The following OSBPL5 variants were observed in gnomAD, a reference collection of about 807,000 sequenced individuals.
OSBPL5 encodes oxysterol-binding protein-related protein 5.
OSBPL5 carries 71 observed loss-of-function variants against 111.2 expected under a neutral mutation model. The observed-to-expected ratio is 0.64, with a 90% CI of 0.53 to 0.78. OSBPL5 has a LOEUF of 0.78. Ranked by LOEUF, OSBPL5 falls within the 30% of genes least tolerant of loss-of-function variation. The pLI is 0.00. For missense variants in OSBPL5, 1,210 were observed against 1,189.3 expected, an observed-to-expected ratio of 1.02 and a Z score of -0.26; for synonymous variants, 549 against 513.9, an observed-to-expected ratio of 1.07 and a Z score of -0.93.
chr11:3,097,062 A>AGG (rs1452640600), intron 14 of OSBPL5, among the ~76,000 whole-genome samples: 1 of 524 alleles, frequency 1.9e-3, no homozygotes, highest in Admixed American at 0.031. Flanking sequence ...AGGAGAGGAA[A>AGG]GGGGGAAGAT....
intron 20 of OSBPL5, 60 bp downstream of exon 20, chr11:3,090,498 G>C: frequency 6.3e-7 from 1 of 1,580,522 alleles, no homozygotes; most frequent in East Asian, 2.3e-5. Flanking sequence ...CTCCAGCCAG[G>C]TCAGCATCTG....
chr11:3,114,935 C>G (rs1858160802), intron 7 of OSBPL5, among the ~76,000 whole-genome samples: 1 of 152,076 alleles, frequency 6.6e-6, no homozygotes, highest in South Asian at 2.1e-4. Flanking sequence ...TACTCTTAAT[C>G]AATTATAAGA....
chr11:3,155,391 A>G (rs1014818661), intron 1 of OSBPL5, among the ~76,000 whole-genome samples: 7 of 152,174 alleles, frequency 4.6e-5, no homozygotes, highest in Admixed American at 4.6e-4. Context: ...ACCTGGGGTG[A>G]TCCCAAGCAC....
At chr11:3,099,427 T>C (rs1170274745) in intron 14 of OSBPL5, among the ~76,000 whole-genome samples, 3 of 152,146 alleles carry the variant, frequency 2.0e-5, no homozygotes, top group African/African-American at 7.2e-5. Flanking sequence ...ATACCAAATG[T>C]AGCACCTCAG....
chr11:3,132,706 C>G (rs1270805689), intron 1 of OSBPL5, among the ~76,000 whole-genome samples: 2 of 152,190 alleles, frequency 1.3e-5, no homozygotes, highest in Admixed American at 6.5e-5. Context: ...TGTCACTTCC[C>G]GGAGGCTTGG....
intron 1 of OSBPL5, among the ~76,000 whole-genome samples, chr11:3,138,286 C>T (rs1007062429): frequency 3.3e-5 from 5 of 152,206 alleles, no homozygotes; most frequent in African/African-American, 9.6e-5. Flanking sequence ...GCGGGCTGGG[C>T]GTGGTCCCTG....
Position 3,107,544 on chromosome 11 carries a change from T to C in OSBPL5, c.867-89A>G, listed in dbSNP as rs3741353. 634,623 of 1,451,004 alleles carry C rather than the reference T, an allele frequency of 0.44. 148,106 individuals carry two copies. Among genetic ancestry groups the C allele is most frequent in the East Asian group, 0.79 (34,582 of 43,788 alleles). 89.9% of individuals were successfully genotyped at this position (1,451,004 alleles called of 1,614,324 possible). On this transcript the variant is annotated intron_variant, in intron 8 of 21. Transcript: ENST00000263650. This position sits in a 1 kb window ranked among gnomAD's most constrained non-coding sequence, Gnocchi z 6.1. ...CTGCCCACCCCTCGCTGCTCCGCAC[T>C]TCACATACGTTCCTGCCTGTCGTCA...
At chr11:3,139,699 C>A (rs1015219205) in intron 1 of OSBPL5, among the ~76,000 whole-genome samples, 4 of 152,176 alleles carry the variant, frequency 2.6e-5, no homozygotes, top group Non-Finnish European at 5.9e-5. Context: ...CACATCCAGC[C>A]TCCCCTCCTC....
chr11:3,125,755 AG>A (rs1425519465), intron 3 of OSBPL5, among the ~76,000 whole-genome samples: 1 of 146,410 alleles, frequency 6.8e-6, no homozygotes, highest in East Asian at 2.0e-4. Flanking sequence ...CAGTGAGCCG[AG>A]ATCGCGCCAC....
In OSBPL5 at chr11:3,154,979, C is replaced by T. The variant is rs1421961409; in HGVS notation, c.-22+10237G>A. 1.3e-5 allele frequency among the ~76,000 whole-genome samples: 2 copies of T among 152,114 alleles called. No homozygotes were observed. Among genetic ancestry groups the T allele is most frequent in the African/African-American group, 4.8e-5 (2 of 41,422 alleles). ...CAGGTCATTAGGGTGGGCCCTAGTC[C>T]AATCTCACTGGTGTCCTTATAAAAA... On this transcript the variant is annotated intron_variant, in intron 1 of 21. Coordinates refer to ENST00000263650, the MANE Select transcript of OSBPL5 (RefSeq NM_020896.4). This position sits in a 1 kb window ranked among gnomAD's most constrained non-coding sequence, Gnocchi z 4.9.
chr11:3,143,577 T>C (rs942994985), intron 1 of OSBPL5, among the ~76,000 whole-genome samples: 1 of 152,184 alleles, frequency 6.6e-6, no homozygotes, highest in African/African-American at 2.4e-5. Context: ...GCCGCAGAGA[T>C]GCACCAAGTC....
rs1858778197 is a variant in OSBPL5 at position 3,130,198 on chromosome 11, T to C, written c.-21-1029A>G. On this transcript the variant is annotated intron_variant, in intron 1 of 21. Transcript: ENST00000263650. The surrounding 1 kb of genome is among the most constrained non-coding windows in gnomAD (Gnocchi z 4.5). ...GGGAGTGGAAGGCCTCGACCTGTAA[T>C]CGTGACCTGACAAGGGTTGGCAGAG... Among the ~76,000 whole-genome samples the C allele has an allele frequency of 6.6e-6, 1 of 152,218 alleles. No homozygotes were observed. The highest frequency in any genetic ancestry group is 2.1e-4 in the South Asian group (1 of 4,832).
chr11:3,119,981 T>C, intron 6 of OSBPL5: 1 of 413,002 alleles, frequency 2.4e-6, no homozygotes, highest in Non-Finnish European at 4.4e-6. Flanking sequence ...GTATTTCCCA[T>C]ACATGACTGG....
chr11:3,102,044 G>A (rs1327092394), intron 12 of OSBPL5, 139 bp downstream of exon 12: 4 of 785,632 alleles, frequency 5.1e-6, no homozygotes, highest in African/African-American at 1.7e-5. Flanking sequence ...CAGCCCTTCC[G>A]GTGTGCAGGA....
At chr11:3,152,462 T>C (rs540663725) in intron 1 of OSBPL5, among the ~76,000 whole-genome samples, 1 of 152,230 alleles carries the variant, frequency 6.6e-6, no homozygotes, top group South Asian at 2.1e-4. Context: ...CTGCTCAAAA[T>C]GTGGGGCCCA....
intron 6 of OSBPL5, chr11:3,119,963 T>C: frequency 4.7e-6 from 2 of 423,044 alleles, no homozygotes; most frequent in Non-Finnish European, 8.5e-6. Context: ...AGTAGCTTTT[T>C]GGTGTAAGTA....
At chr11:3,164,373 C>T (rs377266023) in intron 1 of OSBPL5, 11 of 152,442 alleles carry the variant, frequency 7.2e-5, no homozygotes, top group African/African-American at 2.7e-4. Context: ...CCAGGAGTCA[C>T]CCCAAACCCT....
chr11:3,112,546 G>A (rs1206400236), intron 7 of OSBPL5, among the ~76,000 whole-genome samples: 1 of 149,536 alleles, frequency 6.7e-6, no homozygotes, highest in African/African-American at 2.5e-5. Context: ...TTAAGGAAGA[G>A]TGTGGTTTAG....
At position 3,141,533 on chromosome 11, in the gene OSBPL5, A is replaced by T. The variant is rs1157861366; in HGVS notation, c.-21-12364T>A. Among the ~76,000 whole-genome samples the T allele has an allele frequency of 1.3e-5, 2 of 152,136 alleles. No homozygotes were observed. The highest frequency in any genetic ancestry group is 4.8e-5 in the African/African-American group (2 of 41,422). ...TTCCGCTGTGGTGGAGAGCTTGCCA[A>T]AGTGTTCAGGAAATGGCATTAATGG... On this transcript the variant is annotated intron_variant, in intron 1 of 21. Transcript: ENST00000263650. This position sits in a 1 kb window ranked among gnomAD's most constrained non-coding sequence, Gnocchi z 6.5.
Sources: gnomAD v4.1 joint callset for allele counts (sites outside exome capture counted in the v4.1 genomes callset) on GRCh38, gnomAD v4.1.1 for gene constraint, Gnocchi (gnomAD v3.1) non-coding constraint, MANE v1.5 for transcripts, NCBI Gene and HGNC (gene_info 2026-07-23, HGNC 2026-07-21) for gene names.